Variants in MPZL3 observed in about 807,000 individuals in gnomAD.
MPZL3 encodes the protein myelin protein zero-like protein 3.
Under a neutral mutation model 24.8 loss-of-function variants are expected in MPZL3, and 23 were observed. That is an observed-to-expected ratio of 0.93 (90% CI 0.67 to 1.31). The LOEUF (loss-of-function observed/expected upper bound fraction) is 1.31. Ranked by LOEUF, MPZL3 falls within the 40% of genes most tolerant of loss-of-function variation. The probability of loss-of-function intolerance (pLI) is 0.00; values close to 1 mark genes in which losing one functional copy is unlikely to be tolerated. For synonymous variants in MPZL3, 99 were observed against 106.5 expected, an observed-to-expected ratio of 0.93 and a Z score of 0.44; for missense variants, 277 against 294.9, an observed-to-expected ratio of 0.94 and a Z score of 0.44.
At chr11:118,236,079 T>C (rs1949422364) in intron 3 of MPZL3, among the ~76,000 whole-genome samples, 1 of 152,314 alleles carries the variant, frequency 6.6e-6, no homozygotes, top group Non-Finnish European at 1.5e-5. Flanking sequence ...TGTACATAAA[T>C]CTTCATCTTT....
chr11:118,237,179 T>G lies in MPZL3; in HGVS notation c.322A>C (p.Lys108Gln). 1 of 1,614,140 alleles carries G rather than the reference T, an allele frequency of 6.2e-7. No individual in the cohort carries two copies. The highest frequency in any genetic ancestry group is 1.1e-5 in the South Asian group (1 of 91,092). Residue 108 changes from lysine to glutamine, a missense_variant, in exon 3 of 6, where the codon AAA becomes CAA. Physicochemically the swap from Lys to Gln is moderately conservative, Grantham distance 53. Transcript: ENST00000278949. ...CTTATACTTATAGATGCATCCCCTT[T>G]GTATACATTTCCAACCCAGGAAATC... ...DRISWVGNVY[K>Q]GDASISISNP...
At chr11:118,249,593 A>G (rs570240409) in intron 1 of MPZL3, among the ~76,000 whole-genome samples, 1 of 152,122 alleles carries the variant, frequency 6.6e-6, no homozygotes, top group Non-Finnish European at 1.5e-5. Flanking sequence ...ACATTTTCAC[A>G]TAAGTAATTT....
intron 2 of MPZL3, among the ~76,000 whole-genome samples, chr11:118,238,170 C>T (rs796258562): frequency 4.6e-5 from 7 of 152,046 alleles, no homozygotes; most frequent in African/African-American, 1.7e-4. Flanking sequence ...AGAAAGAAAA[C>T]AAAGCCAAAC....
intron 4 of MPZL3, among the ~76,000 whole-genome samples, chr11:118,234,179 C>T (rs1949390362): frequency 6.6e-6 from 1 of 152,176 alleles, no homozygotes; most frequent in Non-Finnish European, 1.5e-5. Context: ...GAGCATTGTG[C>T]TAGCCTAGAG....
intron 5 of MPZL3, among the ~76,000 whole-genome samples, chr11:118,231,951 C>G (rs1949358308): frequency 6.6e-6 from 1 of 152,146 alleles, no homozygotes; most frequent in African/African-American, 2.4e-5. Flanking sequence ...CAGAGTAATA[C>G]TTTTTAAACA....
rs768751473 is a variant in MPZL3, at chr11:118,235,597, C to T, written c.452-8G>A. 2.7e-5 allele frequency: 43 copies of T among 1,612,054 alleles called. No homozygotes were observed. Among genetic ancestry groups the T allele is most frequent in the South Asian group, 7.7e-5 (7 of 90,956 alleles). ...AAAGCATGGTGCCAAAACCTAGAGG[C>T]GGAGAAAGAGAAGGTAAAAGACAGG... is the stretch of plus-strand genomic sequence containing the variant. On this transcript the variant is annotated splice_polypyrimidine_tract_variant and splice_region_variant and intron_variant, in intron 3 of 5. Transcript: ENST00000278949.
chr11:118,235,396 T>G (rs755354421), intron 4 of MPZL3, 28 bp downstream of exon 4: 6 of 1,611,000 alleles, frequency 3.7e-6, no homozygotes, highest in Non-Finnish European at 5.1e-6. Context: ...GAAACAGGCT[T>G]GCTGCCCAGG....
intron 3 of MPZL3, among the ~76,000 whole-genome samples, chr11:118,236,449 T>A (rs553029857): frequency 6.6e-6 from 1 of 152,162 alleles, no homozygotes; most frequent in African/African-American, 2.4e-5. Context: ...TGATGACGAA[T>A]CTATAATGAC....
Position 118,240,205 on chromosome 11 carries a change from A to C in MPZL3, c.240+6T>G. 1 of 1,538,600 alleles carries C rather than the reference A, an allele frequency of 6.5e-7. No homozygotes were observed. The highest frequency in any genetic ancestry group is 8.7e-7 in the Non-Finnish European group (1 of 1,151,340). On this transcript the variant is annotated splice_donor_region_variant and intron_variant, in intron 2 of 5. Coordinates refer to ENST00000278949, the MANE Select transcript of MPZL3 (RefSeq NM_198275.3). ...AAAGGAACATTCCGAAAAAGTACAC[A>C]CTTACTGATACTGTGTGGCTGCTGC...
At chr11:118,243,113 A>T (rs1050947341) in intron 1 of MPZL3, among the ~76,000 whole-genome samples, 1 of 152,180 alleles carries the variant, frequency 6.6e-6, no homozygotes, top group Admixed American at 6.5e-5. Flanking sequence ...TGAACAAGAA[A>T]AATCACACGA....
At chr11:118,232,482 G>A (rs1318068396) in intron 5 of MPZL3, among the ~76,000 whole-genome samples, 7 of 151,938 alleles carry the variant, frequency 4.6e-5, no homozygotes, top group African/African-American at 1.2e-4. Context: ...TTCAGTTCTC[G>A]GAGGGCAGGA....
Position 118,240,322 on chromosome 11 carries a change from A to C in MPZL3, c.129T>G (p.Tyr43Ter). 6.2e-7 allele frequency: 1 copy of C among 1,608,996 alleles called. No individual in the cohort carries two copies. Among genetic ancestry groups the C allele is most frequent in the African/African-American group, 1.3e-5 (1 of 74,844 alleles). ...ATTTCAACTTGATCTTTTCTCCAAC[A>C]TAACCTCGGACATGGGCATCTGCAC... ...EIRADAHVRGYVGEKIKLKCT... is the reference protein window; with the variant it reads ...EIRADAHVRG Residue 43 changes from tyrosine (Y) to a stop codon, truncating the protein, a stop_gained, in exon 2 of 6, where the codon TAT (tyrosine) becomes TAG (stop). Coordinates refer to ENST00000278949, the MANE Select transcript of MPZL3 (RefSeq NM_198275.3). LOFTEE classifies it high-confidence loss of function.
chr11:118,247,190 G>T (rs1396836810), intron 1 of MPZL3, among the ~76,000 whole-genome samples: 3 of 152,144 alleles, frequency 2.0e-5, no homozygotes, highest in Non-Finnish European at 4.4e-5. Flanking sequence ...GAGCCTGAAT[G>T]ATGTACTTTA....
intron 1 of MPZL3, among the ~76,000 whole-genome samples, chr11:118,240,701 C>A (rs2134706962): frequency 6.6e-6 from 1 of 150,428 alleles, no homozygotes; most frequent in South Asian, 2.1e-4. Context: ...GGCTAAAAGG[C>A]AACATCACCC....
intron 1 of MPZL3, among the ~76,000 whole-genome samples, chr11:118,242,735 G>A (rs1250845295): frequency 6.6e-6 from 1 of 152,088 alleles, no homozygotes; most frequent in Non-Finnish European, 1.5e-5. Context: ...CCCCCTTTGC[G>A]GTGCCTTCCC....
intron 5 of MPZL3, among the ~76,000 whole-genome samples, chr11:118,231,746 A>G (rs2134693478): frequency 6.6e-6 from 1 of 152,224 alleles, no homozygotes. Context: ...TTCATATATA[A>G]ATGCAGAAGC....
At chr11:118,241,482 G>A (rs1021270494) in intron 1 of MPZL3, among the ~76,000 whole-genome samples, 5 of 152,230 alleles carry the variant, frequency 3.3e-5, no homozygotes, top group African/African-American at 9.6e-5. Flanking sequence ...GTAAGTTACC[G>A]TACTTCTTCA....
At chr11:118,240,514 C>A in intron 1 of MPZL3, 137 bp from the exon 2 acceptor site, 1 of 787,938 alleles carries the variant, frequency 1.3e-6, no homozygotes, top group South Asian at 1.9e-5. Context: ...CAGGCAAGCC[C>A]ACAAGGGACA....
In MPZL3 at chr11:118,227,143, A is replaced by C. The variant is rs1949280945; in HGVS notation, c.*2751T>G. The C allele has an allele frequency of 6.6e-6, 1 of 152,282 alleles. No individual in the cohort carries two copies. Among genetic ancestry groups the C allele is most frequent in the Non-Finnish European group, 1.5e-5 (1 of 68,050 alleles). 9.4% of individuals were successfully genotyped at this position (152,282 alleles called of 1,614,324 possible). On this transcript the variant is annotated 3_prime_UTR_variant, in exon 6 of 6. Transcript: ENST00000278949. ...GTAACAGGTCACATGGAAAACACAA[A>C]GCAATTGGTGAGTCCACATTTTGTA...
Sources: gnomAD v4.1 joint callset for allele counts (sites outside exome capture counted in the v4.1 genomes callset) on GRCh38, gnomAD v4.1.1 for gene constraint, MANE v1.5 for transcripts, NCBI Gene and HGNC (gene_info 2026-07-23, HGNC 2026-07-21) for gene names.